The following COL24A1 variants were observed in gnomAD, a reference collection of about 807,000 sequenced individuals.
COL24A1 encodes the protein collagen type XXIV alpha 1 chain, also known as collagen alpha-1(XXIV) chain.
In COL24A1, 224 loss-of-function variants were observed where a neutral mutation model predicts 253.9. That is an observed-to-expected ratio of 0.88 (90% CI 0.79 to 0.99). The LOEUF is 0.99. Among genes scored for constraint, COL24A1 ranks in the 50% least tolerant of loss-of-function variants. The pLI, the probability that COL24A1 is intolerant of heterozygous loss-of-function variation, is 0.00. For missense variants in COL24A1, 2,131 were observed against 2,068.5 expected (o/e 1.03, Z -0.59); for synonymous variants, 685 against 673.7 (o/e 1.02, Z -0.26).
chr1:85,871,218 C>CA (rs374104925), intron 35 of COL24A1, among the ~76,000 whole-genome samples: 1 of 151,906 alleles, frequency 6.6e-6, no homozygotes, highest in Non-Finnish European at 1.5e-5. Context: ...GCCTACCAAC[C>CA]AAAAAAAGTC....
At chr1:85,980,231 T>C (rs1693113912) in intron 20 of COL24A1, among the ~76,000 whole-genome samples, 1 of 152,214 alleles carries the variant, frequency 6.6e-6, no homozygotes, top group African/African-American at 2.4e-5. Context: ...GTGAACATTA[T>C]GGTGAATGGG....
intron 47 of COL24A1, among the ~76,000 whole-genome samples, chr1:85,810,044 A>G (rs1672374079): frequency 6.7e-6 from 1 of 148,828 alleles, no homozygotes; most frequent in Non-Finnish European, 1.5e-5. Context: ...GAAGGAGGTC[A>G]GCAGCACTTG....
intron 52 of COL24A1, among the ~76,000 whole-genome samples, chr1:85,778,074 A>C (rs1229636630): frequency 2.1e-5 from 3 of 141,118 alleles, no homozygotes; most frequent in Non-Finnish European, 4.7e-5. Flanking sequence ...TCTATCATCT[A>C]TCTCTAGATA....
intron 20 of COL24A1, among the ~76,000 whole-genome samples, chr1:85,986,993 G>A (rs1000490807): frequency 2.0e-5 from 3 of 151,840 alleles, no homozygotes; most frequent in African/African-American, 7.2e-5. Context: ...ATACAAACCA[G>A]TAAGTTTGTA....
intron 57 of COL24A1, among the ~76,000 whole-genome samples, chr1:85,740,290 T>C (rs369890773): frequency 1.3e-5 from 2 of 152,190 alleles, no homozygotes; most frequent in East Asian, 1.9e-4. Flanking sequence ...ATCACTAAGA[T>C]AGTTAACTAT....
intron 19 of COL24A1, among the ~76,000 whole-genome samples, chr1:86,001,916 A>G (rs933509527): frequency 1.3e-5 from 2 of 152,210 alleles, no homozygotes; most frequent in Non-Finnish European, 2.9e-5. Context: ...GATGTCTGGG[A>G]AAAAAGACAG....
At chr1:85,843,383 C>G (rs1676831038) in intron 39 of COL24A1, among the ~76,000 whole-genome samples, 1 of 152,046 alleles carries the variant, frequency 6.6e-6, no homozygotes, top group African/African-American at 2.4e-5. Context: ...AGAATTCAGC[C>G]ATTACCTAGG....
At chr1:85,877,023 G>T in intron 33 of COL24A1, 99 bp downstream of exon 33, 1 of 799,998 alleles carries the variant, frequency 1.3e-6, no homozygotes, top group Non-Finnish European at 1.9e-6. Context: ...CAATACTATA[G>T]AATTATTCCT....
Position 85,783,516 on chromosome 1 carries a change from T to C in COL24A1, c.4264A>G (p.Lys1422Glu). The C allele has an allele frequency of 2.5e-6, 4 of 1,613,486 alleles. No homozygotes were observed. The highest frequency in any genetic ancestry group is 3.4e-6 in the Non-Finnish European group (4 of 1,179,566). ...CTTACTCTGTGTCCAATAGGACCTT[T>C]AGGACCTGATATCCCAACAATGCCA... ...DAGIVGISGP[K>E]GPIGHRGNTG... Residue 1422 changes from lysine (K) to glutamate (E), a missense_variant, in exon 51 of 60, where the codon AAA becomes GAA. By Grantham distance (56) the Lys-to-Glu change is moderately conservative (BLOSUM62 1). Coordinates refer to ENST00000370571, the MANE Select transcript of COL24A1 (RefSeq NM_152890.7).
intron 59 of COL24A1, among the ~76,000 whole-genome samples, chr1:85,733,785 G>C (rs968369263): frequency 4.6e-5 from 7 of 151,174 alleles, no homozygotes; most frequent in Non-Finnish European, 1.0e-4. Flanking sequence ...TCTCCATGTT[G>C]GCCAGGCTGG....
intron 59 of COL24A1, 135 bp downstream of exon 59, chr1:85,734,614 C>T: frequency 1.4e-6 from 1 of 711,332 alleles, no homozygotes; most frequent in East Asian, 2.7e-5. Context: ...AGTTACAAGT[C>T]AGGCACATTA....
chr1:85,939,752 T>C (rs907821738), intron 24 of COL24A1, among the ~76,000 whole-genome samples: 2 of 152,158 alleles, frequency 1.3e-5, no homozygotes, highest in Non-Finnish European at 2.9e-5. Flanking sequence ...GCAGTGTGCT[T>C]ATATTATGTA....
intron 28 of COL24A1, among the ~76,000 whole-genome samples, chr1:85,901,695 C>G (rs543765066): frequency 1.4e-4 from 21 of 151,480 alleles, no homozygotes; most frequent in South Asian, 1.0e-3. Context: ...GCCTGTAATC[C>G]CAGCTACTCA....
chr1:86,016,952 A>G (rs974059765), intron 19 of COL24A1, among the ~76,000 whole-genome samples, 199 bp downstream of exon 19: 2 of 152,194 alleles, frequency 1.3e-5, no homozygotes, highest in Non-Finnish European at 2.9e-5. Flanking sequence ...AAATGTGGCT[A>G]ATGCACTTTT....
At chr1:86,112,711 C>T (rs1298022352) in intron 4 of COL24A1, 91 bp from the exon 5 acceptor site, 1 of 1,160,362 alleles carries the variant, frequency 8.6e-7, no homozygotes, top group East Asian at 2.5e-5. Flanking sequence ...TGTGTGATCC[C>T]TTTAAGCACT....
intron 20 of COL24A1, among the ~76,000 whole-genome samples, chr1:85,973,332 T>C (rs183245539): frequency 6.6e-6 from 1 of 152,318 alleles, no homozygotes; most frequent in Admixed American, 6.5e-5. Flanking sequence ...GAATTCATAA[T>C]TTATTATGGC....
intron 52 of COL24A1, among the ~76,000 whole-genome samples, chr1:85,777,036 A>T (rs181654496): frequency 6.6e-6 from 1 of 151,462 alleles, no homozygotes; most frequent in African/African-American, 2.4e-5. Context: ...TACAACCTCC[A>T]CCTCCTGGGT....
At chr1:86,082,228 T>C (rs1046852643) in intron 7 of COL24A1, among the ~76,000 whole-genome samples, 3 of 152,224 alleles carry the variant, frequency 2.0e-5, no homozygotes, top group Non-Finnish European at 2.9e-5. Context: ...TACTACATAA[T>C]AATATACTCT....
intron 5 of COL24A1, among the ~76,000 whole-genome samples, chr1:86,094,042 G>C (rs553156783): frequency 2.6e-4 from 40 of 152,238 alleles, no homozygotes; most frequent in Admixed American, 5.2e-4. Context: ...CTGTTGGTGG[G>C]AGTATAAATC....
Sources: gnomAD v4.1 joint callset for allele counts (sites outside exome capture counted in the v4.1 genomes callset) on GRCh38, gnomAD v4.1.1 for gene constraint, MANE v1.5 for transcripts, NCBI Gene and HGNC (gene_info 2026-07-23, HGNC 2026-07-21) for gene names.